The following TRIM44 variants were observed in gnomAD, a reference collection of about 807,000 sequenced individuals.
The protein encoded by TRIM44 is tripartite motif containing 44, also known as tripartite motif-containing protein 44.
TRIM44 carries 13 observed loss-of-function variants against 37.4 expected under a neutral mutation model. The ratio of observed to expected loss-of-function variants is 0.35; its 90% confidence interval spans 0.23 to 0.55. The LOEUF is 0.55. TRIM44 is among the 20% of genes least tolerant of loss of function. The pLI is 0.89. For missense variants in TRIM44, 426 were observed against 437.2 expected (o/e 0.97, Z 0.23); for synonymous variants, 175 against 157.2 (o/e 1.11, Z -0.85).
intron 2 of TRIM44, among the ~76,000 whole-genome samples, chr11:35,686,656 A>G (rs1380504221): frequency 6.6e-6 from 1 of 152,080 alleles, no homozygotes; most frequent in African/African-American, 2.4e-5. Flanking sequence ...TCCCAGGTTC[A>G]AGTGATTCTC....
At position 35,811,184 on chromosome 11, in the gene TRIM44, T is replaced by G. The variant is rs1485783490; in HGVS notation, c.*4799T>G. ...TAGATGTGGGAGTCTAATTTACTCC[T>G]GACTTTTCCACAGTGCCTTAGGAGA... On this transcript the variant is annotated 3_prime_UTR_variant, in exon 5 of 5. Coordinates refer to ENST00000299413, the MANE Select transcript of TRIM44 (RefSeq NM_017583.6). 1 of 152,180 alleles carries G rather than the reference T, an allele frequency of 6.6e-6. No homozygotes were observed. The highest frequency in any genetic ancestry group is 1.5e-5 in the Non-Finnish European group (1 of 68,016). 9.4% of individuals were successfully genotyped at this position (152,180 alleles called of 1,614,324 possible).
At position 35,702,468 on chromosome 11, in the gene TRIM44, G is replaced by A. The variant is rs142378714; in HGVS notation, c.747+17132G>A. 3.5e-4 allele frequency among the ~76,000 whole-genome samples: 53 copies of A among 152,272 alleles called. 1 individual carries two copies. The East Asian group carries it at 7.3e-3, about 21-fold the overall frequency. The stretch of plus-strand genomic sequence containing the variant: ...AGGATGCCTATGAACGGAATCTGCC[G>A]TATCAGTGGACATTTTTGTGTTTAA... On this transcript the variant is annotated intron_variant, in intron 2 of 4. Coordinates refer to ENST00000299413, the MANE Select transcript of TRIM44 (RefSeq NM_017583.6).
At chr11:35,776,836 C>T (rs553459373) in intron 4 of TRIM44, among the ~76,000 whole-genome samples, 13 of 152,338 alleles carry the variant, frequency 8.5e-5, no homozygotes, top group African/African-American at 3.1e-4. Flanking sequence ...GTTACAATTT[C>T]TGTTCTTTTA....
intron 4 of TRIM44, among the ~76,000 whole-genome samples, chr11:35,781,683 CAAGG>C (rs555482081): frequency 4.2e-4 from 64 of 152,244 alleles, no homozygotes; most frequent in African/African-American, 1.4e-3. Context: ...AATTCTAAAA[CAAGG>C]AAGGAAATAA....
intron 2 of TRIM44, among the ~76,000 whole-genome samples, chr11:35,707,417 A>G (rs112769173): frequency 7.2e-5 from 11 of 152,192 alleles, no homozygotes; most frequent in African/African-American, 2.7e-4. Flanking sequence ...AAACTACTTT[A>G]AAGTTCATAT....
At chr11:35,664,342 G>A (rs1851309867) in intron 1 of TRIM44, among the ~76,000 whole-genome samples, 1 of 152,234 alleles carries the variant, frequency 6.6e-6, no homozygotes, top group Admixed American at 6.5e-5. Context: ...ATTGGGGTGG[G>A]AGTGGAAGTT....
intron 4 of TRIM44, among the ~76,000 whole-genome samples, chr11:35,803,645 C>T (rs777772499): frequency 1.3e-5 from 2 of 152,090 alleles, no homozygotes; most frequent in African/African-American, 4.8e-5. Flanking sequence ...CGCTTGAACC[C>T]GGGAGGCGGA....
chr11:35,800,516 G>A (rs999180290), intron 4 of TRIM44, among the ~76,000 whole-genome samples: 15 of 152,164 alleles, frequency 9.9e-5, no homozygotes, highest in African/African-American at 3.4e-4. Flanking sequence ...ACAGAGCACT[G>A]ATTGGTGCGT....
At chr11:35,715,818 G>A (rs1852033802) in intron 2 of TRIM44, among the ~76,000 whole-genome samples, 1 of 152,096 alleles carries the variant, frequency 6.6e-6, no homozygotes, top group South Asian at 2.1e-4. Context: ...TGAAGAGGAA[G>A]CAGGCATGTC....
intron 4 of TRIM44, among the ~76,000 whole-genome samples, chr11:35,764,591 C>T (rs1330084691): frequency 2.6e-5 from 4 of 152,130 alleles, no homozygotes; most frequent in Non-Finnish European, 5.9e-5. Context: ...ATAAGTGACA[C>T]CATGACCTTT....
chr11:35,725,421 C>T (rs955101744), intron 2 of TRIM44, among the ~76,000 whole-genome samples: 1 of 152,078 alleles, frequency 6.6e-6, no homozygotes, highest in African/African-American at 2.4e-5. Flanking sequence ...GCAACCTCCA[C>T]CTTCTTGGTT....
intron 2 of TRIM44, among the ~76,000 whole-genome samples, chr11:35,714,626 G>A (rs1014558381): frequency 3.9e-5 from 6 of 152,040 alleles, no homozygotes; most frequent in African/African-American, 1.4e-4. Context: ...TGAGAGAACT[G>A]GAATGGAGAT....
chr11:35,723,818 A>G (rs1299421777), intron 2 of TRIM44, among the ~76,000 whole-genome samples: 1 of 152,220 alleles, frequency 6.6e-6, no homozygotes, highest in South Asian at 2.1e-4. Flanking sequence ...AGAAAAGTCC[A>G]TCCCTTAGTG....
intron 2 of TRIM44, among the ~76,000 whole-genome samples, chr11:35,719,404 C>G (rs1273616278): frequency 6.6e-6 from 1 of 152,024 alleles, no homozygotes; most frequent in Non-Finnish European, 1.5e-5. Context: ...GTTTTTTAAT[C>G]AGGTTGTTCA....
intron 1 of TRIM44, among the ~76,000 whole-genome samples, chr11:35,684,310 A>G (rs887955723): frequency 2.0e-5 from 3 of 152,272 alleles, no homozygotes; most frequent in African/African-American, 4.8e-5. Flanking sequence ...TATTTTGAAT[A>G]TACTGAGTTA....
chr11:35,766,007 G>A (rs367768304), intron 4 of TRIM44, among the ~76,000 whole-genome samples: 8 of 152,286 alleles, frequency 5.3e-5, no homozygotes, highest in African/African-American at 1.7e-4. Flanking sequence ...TCTGTGCCTG[G>A]TGGAGACAGG....
At chr11:35,756,967 CT>C (rs891837192) in intron 4 of TRIM44, among the ~76,000 whole-genome samples, 4 of 152,074 alleles carry the variant, frequency 2.6e-5, no homozygotes, top group Non-Finnish European at 4.4e-5. Flanking sequence ...CTGAAATTCT[CT>C]TTTTTTGTTG....
At chr11:35,695,751 G>A (rs1450100970) in intron 2 of TRIM44, among the ~76,000 whole-genome samples, 2 of 152,122 alleles carry the variant, frequency 1.3e-5, no homozygotes, top group Middle Eastern at 3.4e-3. Flanking sequence ...TATTTCTGTG[G>A]TCTACAATAA....
intron 1 of TRIM44, among the ~76,000 whole-genome samples, chr11:35,675,991 A>G (rs1050666906): frequency 6.6e-6 from 1 of 152,142 alleles, no homozygotes; most frequent in African/African-American, 2.4e-5. Flanking sequence ...TTCTTTTACT[A>G]AGGAAAAATG....
Sources: gnomAD v4.1 joint callset for allele counts (sites outside exome capture counted in the v4.1 genomes callset) on GRCh38, gnomAD v4.1.1 for gene constraint, MANE v1.5 for transcripts, NCBI Gene and HGNC (gene_info 2026-07-23, HGNC 2026-07-21) for gene names.